Variants in GLI3 observed in about 807,000 individuals in gnomAD.
The protein encoded by GLI3 is GLI family zinc finger 3, also known as transcription activator GLI3.
Under a neutral mutation model 100.8 loss-of-function variants are expected in GLI3, and 20 were observed. The ratio of observed to expected loss-of-function variants is 0.20; its 90% CI spans 0.14 to 0.29. GLI3 has a LOEUF of 0.29. Ranked by LOEUF, GLI3 falls within the 10% of genes least tolerant of loss-of-function variation. GLI3 has a pLI of 1.00. For synonymous variants in GLI3, 938 were observed against 860.5 expected, an observed-to-expected ratio of 1.09 and a Z score of -1.58; for missense variants, 2,040 against 2,128.5, an observed-to-expected ratio of 0.96 and a Z score of 0.82.
intron 3 of GLI3, among the ~76,000 whole-genome samples, chr7:42,143,304 A>C (rs1456262333): frequency 2.0e-5 from 3 of 152,224 alleles, no homozygotes; most frequent in Non-Finnish European, 2.9e-5. Flanking sequence ...AAGATGTAAA[A>C]GACAGTCTGG....
chr7:42,081,353 G>A (rs1356378764), intron 3 of GLI3, among the ~76,000 whole-genome samples: 1 of 152,168 alleles, frequency 6.6e-6, no homozygotes, highest in Non-Finnish European at 1.5e-5. Context: ...TATTGTACCC[G>A]AGTCCTCTTA....
At chr7:42,010,698 C>T (rs1788588161) in intron 10 of GLI3, among the ~76,000 whole-genome samples, 1 of 152,160 alleles carries the variant, frequency 6.6e-6, no homozygotes, top group African/African-American at 2.4e-5. Context: ...AAAATGCATA[C>T]ATTTAATAGT....
At chr7:42,034,747 C>T (rs1027512775) in intron 7 of GLI3, among the ~76,000 whole-genome samples, 186 of 152,268 alleles carry the variant, frequency 1.2e-3, no homozygotes, top group African/African-American at 4.1e-3. Context: ...TTCTTAACAT[C>T]TGGGTCATTT....
chr7:42,240,517 TG>T (rs1303343095), upstream of GLI3, among the ~76,000 whole-genome samples: 1 of 152,182 alleles, frequency 6.6e-6, no homozygotes, highest in East Asian at 1.9e-4. Flanking sequence ...TGCCTCTTAC[TG>T]GCTTCTGGTG....
intron 2 of GLI3, among the ~76,000 whole-genome samples, chr7:42,212,484 T>G (rs970247793): frequency 1.3e-5 from 2 of 152,228 alleles, no homozygotes; most frequent in African/African-American, 4.8e-5. Context: ...ACTCCATTTC[T>G]TTGCAATATA....
At chr7:42,031,957 T>C (rs1054702574) in intron 7 of GLI3, among the ~76,000 whole-genome samples, 1 of 152,188 alleles carries the variant, frequency 6.6e-6, no homozygotes, top group African/African-American at 2.4e-5. Flanking sequence ...AAATCAGACA[T>C]ATAAAGTTTT....
chr7:42,025,523 G>A, intron 8 of GLI3, 146 bp from the exon 9 acceptor site: 1 of 701,940 alleles, frequency 1.4e-6, no homozygotes, highest in South Asian at 1.5e-5. Context: ...CCCAGTGTAA[G>A]CAGAGTTCAG....
At chr7:42,134,725 G>A (rs1270423502) in intron 3 of GLI3, among the ~76,000 whole-genome samples, 1 of 152,060 alleles carries the variant, frequency 6.6e-6, no homozygotes, top group African/African-American at 2.4e-5. Context: ...AATAAACTAT[G>A]TGCTTGGCTG....
chr7:42,079,433 A>T (rs1274901184), intron 3 of GLI3, among the ~76,000 whole-genome samples: 1 of 152,202 alleles, frequency 6.6e-6, no homozygotes, highest in Non-Finnish European at 1.5e-5. Context: ...ATCAGATTCA[A>T]ATCCGGGTGA....
chr7:42,238,098 C>A (rs1466417892), upstream of GLI3, among the ~76,000 whole-genome samples: 6 of 151,358 alleles, frequency 4.0e-5, no homozygotes, highest in Non-Finnish European at 7.4e-5. Context: ...CCTCCTCTTC[C>A]CCCTACTTGA....
chr7:42,162,766 T>C (rs1393807770), intron 2 of GLI3, among the ~76,000 whole-genome samples: 1 of 152,074 alleles, frequency 6.6e-6, no homozygotes, highest in East Asian at 1.9e-4. Flanking sequence ...ACCTCAGAGC[T>C]CATTCAGCAG....
chr7:42,086,742 T>C (rs1385511236), intron 3 of GLI3, among the ~76,000 whole-genome samples: 1 of 152,020 alleles, frequency 6.6e-6, no homozygotes. Flanking sequence ...TGCTCCTTCC[T>C]CCCTTCTCCA....
intron 2 of GLI3, 120 bp downstream of exon 2, chr7:42,223,010 C>G: frequency 8.1e-7 from 1 of 1,228,476 alleles, no homozygotes; most frequent in Non-Finnish European, 1.2e-6. Flanking sequence ...GCTCCATTTG[C>G]TTTCTTTAGC....
chr7:42,157,290 T>C (rs1787025407), intron 2 of GLI3, among the ~76,000 whole-genome samples: 1 of 152,220 alleles, frequency 6.6e-6, no homozygotes, highest in Non-Finnish European at 1.5e-5. Context: ...TTCTTCACAA[T>C]TGTATCTAAG....
chr7:42,106,359 G>T (rs1407129660), intron 3 of GLI3, among the ~76,000 whole-genome samples: 1 of 152,094 alleles, frequency 6.6e-6, no homozygotes, highest in Non-Finnish European at 1.5e-5. Flanking sequence ...CACCCCTCTT[G>T]CTCCTGCAGA....
intron 3 of GLI3, among the ~76,000 whole-genome samples, chr7:42,087,141 T>G (rs1347399713): frequency 6.6e-6 from 1 of 152,310 alleles, no homozygotes; most frequent in Admixed American, 6.5e-5. Flanking sequence ...GAAAGGAAAC[T>G]GAGGCCACGC....
chr7:42,101,922 G>T (rs1216215277), intron 3 of GLI3, among the ~76,000 whole-genome samples: 1 of 142,890 alleles, frequency 7.0e-6, no homozygotes, highest in Admixed American at 7.0e-5. Flanking sequence ...ACCTATGAGT[G>T]AGAATATGCG....
In GLI3 at chr7:42,148,482, A is replaced by G. The variant is rs755876422; in HGVS notation, c.125-14T>C. 2 of 1,612,094 alleles carry G rather than the reference A, an allele frequency of 1.2e-6. No individual in the cohort carries two copies. The highest frequency in any genetic ancestry group is 1.7e-5 in the Admixed American group (1 of 60,018). Reference sequence around the variant, plus strand: ...GACTTTCATCCTCTAAAGAAAGAAGAAAAATGAAAGACTCTGTAAACTACT... The same window carrying G: ...GACTTTCATCCTCTAAAGAAAGAAGGAAAATGAAAGACTCTGTAAACTACT... On this transcript the variant is annotated splice_polypyrimidine_tract_variant and intron_variant, in intron 2 of 14. Coordinates refer to ENST00000395925, the MANE Select transcript of GLI3 (RefSeq NM_000168.6).
intron 8 of GLI3, 65 bp from the exon 9 acceptor site, chr7:42,025,442 T>C (rs1789084609): frequency 1.6e-6 from 2 of 1,227,474 alleles, no homozygotes; most frequent in African/African-American, 1.5e-5. Flanking sequence ...AGTACCATAA[T>C]TAAAACCTTG....
Sources: gnomAD v4.1 joint callset for allele counts (sites outside exome capture counted in the v4.1 genomes callset) on GRCh38, gnomAD v4.1.1 for gene constraint, MANE v1.5 for transcripts, NCBI Gene and HGNC (gene_info 2026-07-23, HGNC 2026-07-21) for gene names.